Variants in NGF observed in about 807,000 individuals in gnomAD.
NGF encodes the protein beta-nerve growth factor.
Under a neutral mutation model 12.8 loss-of-function variants are expected in NGF, and 4 were observed. The ratio of observed to expected loss-of-function variants is 0.31; its 90% CI spans 0.15 to 0.72. The LOEUF (loss-of-function observed/expected upper bound fraction) is 0.72, where lower values mean the gene tolerates loss of function less well. Among genes scored for constraint, NGF ranks in the 30% least tolerant of loss-of-function variants. The pLI is 0.69. For missense variants in NGF, 283 were observed against 330.8 expected, an observed-to-expected ratio of 0.86 and a Z score of 1.12; for synonymous variants, 140 against 130.0, an observed-to-expected ratio of 1.08 and a Z score of -0.52.
chr1:115,326,056 T>C (rs770126574), intron 1 of NGF, among the ~76,000 whole-genome samples: 8 of 152,058 alleles, frequency 5.3e-5, no homozygotes, highest in Admixed American at 2.0e-4. Flanking sequence ...CCGGAAGTCG[T>C]AGATCGTAGC....
chr1:115,330,045 C>T (rs1654874792), intron 1 of NGF, among the ~76,000 whole-genome samples: 1 of 152,100 alleles, frequency 6.6e-6, no homozygotes, highest in Admixed American at 6.6e-5. Context: ...ATGGGCCACA[C>T]ACCCGGCCTT....
Position 115,289,760 on chromosome 1 carries a change from C to T in NGF, c.-12-2953G>A, listed in dbSNP as rs141977801. 3.2e-4 allele frequency among the ~76,000 whole-genome samples: 49 copies of T among 152,256 alleles called. No homozygotes were observed. The East Asian group carries it at 8.9e-3, about 28-fold the overall frequency. ...TCCTCTCTCCTCATCTCCCTAAACA[C>T]GCTTCTTCACAGTTTCCTTTTTCTG... On this transcript the variant is annotated intron_variant, in intron 2 of 2. Transcript: ENST00000369512.
chr1:115,306,848 C>T (rs1434324726), intron 1 of NGF, among the ~76,000 whole-genome samples: 1 of 152,220 alleles, frequency 6.6e-6, no homozygotes, highest in Non-Finnish European at 1.5e-5. Context: ...GTAACAGTGA[C>T]ATTTTGCAGA....
chr1:115,323,951 G>T (rs1020943768), intron 1 of NGF, among the ~76,000 whole-genome samples: 2 of 152,192 alleles, frequency 1.3e-5, no homozygotes, highest in African/African-American at 4.8e-5. Context: ...TCTCCTGTGG[G>T]AGACTGTGTG....
chr1:115,335,466 A>G (rs1655085240), intron 1 of NGF, among the ~76,000 whole-genome samples: 1 of 152,228 alleles, frequency 6.6e-6, no homozygotes, highest in Non-Finnish European at 1.5e-5. Context: ...GCTAAGCCTG[A>G]GAGCTGATGG....
At chr1:115,306,029 G>A (rs1020309018) in intron 1 of NGF, among the ~76,000 whole-genome samples, 18 of 152,144 alleles carry the variant, frequency 1.2e-4, no homozygotes, top group African/African-American at 4.3e-4. Flanking sequence ...ACATTTACAG[G>A]AAAGCATCAA....
chr1:115,307,232 C>T (rs1216101781), intron 1 of NGF, among the ~76,000 whole-genome samples: 1 of 152,024 alleles, frequency 6.6e-6, no homozygotes, highest in African/African-American at 2.4e-5. Flanking sequence ...AGGAAGAGAA[C>T]ATTGGAGCTA....
chr1:115,333,667 TTC>T (rs1275414349), intron 1 of NGF, among the ~76,000 whole-genome samples: 10 of 42,486 alleles, frequency 2.4e-4, no homozygotes, highest in African/African-American at 5.4e-4. Context: ...CTTTCTTTCT[TTC>T]TTTCTTTCTT....
rs1557949225 is a variant in NGF at position 115,333,693 on chromosome 1, C to CTTTCTTTCT, written c.-137+4502_-137+4510dup. Among the ~76,000 whole-genome samples, 70 of 63,104 alleles carry CTTTCTTTCT rather than the reference C, an allele frequency of 1.1e-3. 1 individual carries two copies. The highest frequency in any genetic ancestry group is 0.011 in the Middle Eastern group (1 of 90). 41.4% of individuals were successfully genotyped at this position (63,104 alleles called of 152,430 possible). On this transcript the variant is annotated intron_variant, in intron 1 of 2. Transcript: ENST00000369512. ...TCTTTCTTTCTTTCTTTCTTTCTTTCTTTCTTTCTTTCTTTCTTTCTTTTC... is the reference window on the plus strand; with the variant it reads ...TCTTTCTTTCTTTCTTTCTTTCTTTCTTTCTTTCTTTTCTTTCTTTCTTTCTTTCTTTTC...
chr1:115,289,559 G>A (rs1467393663), intron 2 of NGF, among the ~76,000 whole-genome samples: 6 of 152,102 alleles, frequency 3.9e-5, no homozygotes, highest in Non-Finnish European at 8.8e-5. Flanking sequence ...CCTGCTTCCT[G>A]AGGGCAATTC....
At position 115,315,875 on chromosome 1, in the gene NGF, T is replaced by C. The variant is rs1347419294; in HGVS notation, c.-136-22125A>G. Among the ~76,000 whole-genome samples, 4 of 152,300 alleles carry C rather than the reference T, an allele frequency of 2.6e-5. No individual in the cohort carries two copies. The East Asian group carries it at 7.7e-4, about 29-fold the overall frequency. On this transcript the variant is annotated intron_variant, in intron 1 of 2. Transcript: ENST00000369512. ...ATTTCCCATTTCTAAGACCCCCTTGTCCCCTGCTGTGACTTTCCTTGTCAG... is the reference window on the plus strand; with the variant it reads ...ATTTCCCATTTCTAAGACCCCCTTGCCCCCTGCTGTGACTTTCCTTGTCAG...
chr1:115,318,499 G>T (rs918520592), intron 1 of NGF, among the ~76,000 whole-genome samples: 4 of 152,200 alleles, frequency 2.6e-5, no homozygotes, highest in African/African-American at 9.6e-5. Flanking sequence ...TAGGGCGAAG[G>T]AGGAAGCAAG....
At chr1:115,298,696 T>C (rs1417246636) in intron 1 of NGF, among the ~76,000 whole-genome samples, 1 of 152,128 alleles carries the variant, frequency 6.6e-6, no homozygotes, top group African/African-American at 2.4e-5. Flanking sequence ...TCCCTAAATC[T>C]TTGGTGTTAA....
chr1:115,309,595 GCCCTGGTGTGTGATGTTC>G (rs1331985044), intron 1 of NGF, among the ~76,000 whole-genome samples: 1 of 152,036 alleles, frequency 6.6e-6, no homozygotes, highest in African/African-American at 2.4e-5. Context: ...TCCCTGAAAG[GCCCTGGTGTGTGATGTTC>G]CCCTCCCTGT....
chr1:115,289,579 A>G (rs1193296251), intron 2 of NGF, among the ~76,000 whole-genome samples: 1 of 152,158 alleles, frequency 6.6e-6, no homozygotes, highest in African/African-American at 2.4e-5. Context: ...CTCCATAGAT[A>G]CTGGCATTTT....
chr1:115,337,624 G>GC (rs529126158), intron 1 of NGF, among the ~76,000 whole-genome samples: 1 of 152,246 alleles, frequency 6.6e-6, no homozygotes, highest in Non-Finnish European at 1.5e-5. Flanking sequence ...AACCCCCGGG[G>GC]CCCTCAGTCA....
At chr1:115,313,396 G>A (rs1373008102) in intron 1 of NGF, among the ~76,000 whole-genome samples, 1 of 152,146 alleles carries the variant, frequency 6.6e-6, no homozygotes, top group Non-Finnish European at 1.5e-5. Context: ...GCAGGCTGCT[G>A]GCCCAGACCC....
At chr1:115,287,024 C>T (rs543219914) in intron 2 of NGF, among the ~76,000 whole-genome samples, 17 of 152,218 alleles carry the variant, frequency 1.1e-4, no homozygotes, top group African/African-American at 4.1e-4. Flanking sequence ...GTGTGGTCAC[C>T]CCATCCGAGC....
At chr1:115,292,073 C>T (rs921550911) in intron 2 of NGF, among the ~76,000 whole-genome samples, 2 of 152,138 alleles carry the variant, frequency 1.3e-5, no homozygotes, top group Non-Finnish European at 2.9e-5. Flanking sequence ...TCTTGTTTTA[C>T]GCTTGGCCTT....
Sources: gnomAD v4.1 joint callset for allele counts (sites outside exome capture counted in the v4.1 genomes callset) on GRCh38, gnomAD v4.1.1 for gene constraint, MANE v1.5 for transcripts, NCBI Gene and HGNC (gene_info 2026-07-23, HGNC 2026-07-21) for gene names.